The following USP28 variants were observed in gnomAD, a reference collection of about 807,000 sequenced individuals.
USP28 encodes the protein ubiquitin carboxyl-terminal hydrolase 28.
A neutral mutation model predicts 145.0 loss-of-function variants in USP28; 113 were observed. That is an observed-to-expected ratio of 0.78 (90% confidence interval 0.67 to 0.91). The LOEUF is 0.91. Among genes scored for constraint, USP28 ranks in the 40% least tolerant of loss-of-function variants. USP28 has a pLI of 0.00. For missense variants in USP28, 1,201 were observed against 1,289.6 expected (o/e 0.93, Z 1.05); for synonymous variants, 447 against 450.9 (o/e 0.99, Z 0.11).
At chr11:113,853,801 T>C (rs1024872061) in intron 2 of USP28, among the ~76,000 whole-genome samples, 7 of 147,066 alleles carry the variant, frequency 4.8e-5, no homozygotes, top group African/African-American at 1.8e-4. Context: ...ACAGCTTGAA[T>C]GCGGGAGGGA....
At chr11:113,813,218 T>G (rs1487661199) in intron 15 of USP28, among the ~76,000 whole-genome samples, 1 of 152,160 alleles carries the variant, frequency 6.6e-6, no homozygotes, top group Non-Finnish European at 1.5e-5. Context: ...AAGCCTGCGT[T>G]TTACATGGTG....
Position 113,869,544 on chromosome 11 carries a change from C to T in USP28, c.57+5901G>A, listed in dbSNP as rs1182617489. 3.3e-5 allele frequency among the ~76,000 whole-genome samples: 5 copies of T among 152,134 alleles called. No homozygotes were observed. The South Asian group carries it at 6.2e-4, about 19-fold the overall frequency. Reference sequence around the variant, plus strand: ...TGGTCAAGGCTGCAGTGAGCCTTGACGGTGTCACCACACTCCAGCTTGGGT... The same window carrying T: ...TGGTCAAGGCTGCAGTGAGCCTTGATGGTGTCACCACACTCCAGCTTGGGT... On this transcript the variant is annotated intron_variant, in intron 1 of 24. Transcript: ENST00000003302.
intron 1 of USP28, among the ~76,000 whole-genome samples, chr11:113,872,660 T>C (rs371249734): frequency 6.6e-6 from 1 of 152,034 alleles, no homozygotes; most frequent in Non-Finnish European, 1.5e-5. Context: ...AACTGGCAGG[T>C]TTTTATAAGG....
intron 21 of USP28, 64 bp downstream of exon 22, chr11:113,804,609 C>A (rs1369142682): frequency 1.4e-6 from 2 of 1,461,212 alleles, no homozygotes; most frequent in East Asian, 2.3e-5. Context: ...TTTATTTTGC[C>A]TCAGGTACCA....
At chr11:113,873,937 C>CCATGGTCA in intron 1 of USP28, among the ~76,000 whole-genome samples, 1 of 138,104 alleles carries the variant, frequency 7.2e-6, no homozygotes, top group South Asian at 2.4e-4. Flanking sequence ...GGTCAAGAGA[C>CCATGGTCA]CGAGACCATC....
chr11:113,826,718 G>A (rs1392780217), intron 11 of USP28, among the ~76,000 whole-genome samples: 3 of 151,844 alleles, frequency 2.0e-5, no homozygotes, highest in South Asian at 2.1e-4. Context: ...TCGGGAGTTC[G>A]CGACCAGCCT....
intron 9 of USP28, among the ~76,000 whole-genome samples, chr11:113,829,824 CAA>C (rs5794883): frequency 0.2 from 20,742 of 104,902 alleles, 1,517 homozygotes; most frequent in Middle Eastern, 0.23. Flanking sequence ...GGACTTGTCT[CAA>C]AAAAAAAAAA....
In USP28 at chr11:113,863,126, A is replaced by G. The variant is rs1013166466; in HGVS notation, c.58-8791T>C. Reference sequence around the variant, plus strand: ...AGTATTCACAAAATGACATGATCCTATATATACAAAATCCCAAAGATTCTG... The same window carrying G: ...AGTATTCACAAAATGACATGATCCTGTATATACAAAATCCCAAAGATTCTG... On this transcript the variant is annotated intron_variant, in intron 1 of 24. Coordinates refer to ENST00000003302, the Ensembl canonical transcript of USP28. 2.0e-5 allele frequency among the ~76,000 whole-genome samples: 3 copies of G among 152,332 alleles called. No homozygotes were observed. The South Asian group carries it at 6.2e-4, about 32-fold the overall frequency.
chr11:113,847,774 G>A (rs1946038984), intron 3 of USP28, among the ~76,000 whole-genome samples: 2 of 152,186 alleles, frequency 1.3e-5, no homozygotes, highest in Admixed American at 6.5e-5. Flanking sequence ...CAAAAGAACT[G>A]AAAATGGATA....
chr11:113,812,508 T>TC lies in USP28; in HGVS notation c.1744-5_1744-4insG. On this transcript the variant is annotated splice_region_variant and splice_polypyrimidine_tract_variant and intron_variant, in intron 15 of 24. Coordinates refer to ENST00000003302, the Ensembl canonical transcript of USP28. ...CTGCATGCAAGCGATAAGGCACCTG[T>TC]AAGTCAGAATGTACATTCCCCAGTC... The TC allele has an allele frequency of 6.2e-7, 1 of 1,611,552 alleles. No individual in the cohort carries two copies. Among genetic ancestry groups the TC allele is most frequent in the Non-Finnish European group, 8.5e-7 (1 of 1,179,466 alleles).
intron 12 of USP28, chr11:113,820,397 C>G (rs1360870879): frequency 6.6e-6 from 1 of 152,060 alleles, no homozygotes; most frequent in African/African-American, 2.4e-5. Flanking sequence ...GGAATGGGAC[C>G]ATATAATTTA....
rs1942019579 is a variant in USP28, at chr11:113,818,047, T to G, written c.1284-210A>C. On this transcript the variant is annotated intron_variant, in intron 12 of 24. Transcript: ENST00000003302. ...TGCCAACAATCTGAAGTTTTATATCTGGCAGGAAACATTTCAAATAGGCTC... is the reference window on the plus strand; with the variant it reads ...TGCCAACAATCTGAAGTTTTATATCGGGCAGGAAACATTTCAAATAGGCTC... 9 of 455,072 alleles carry G rather than the reference T, an allele frequency of 2.0e-5. No homozygotes were observed. In the Admixed American group the frequency reaches 3.1e-4, roughly 16 times the overall value. 28.2% of individuals were successfully genotyped at this position (455,072 alleles called of 1,614,324 possible).
exon 5 of USP28, chr11:113,840,611 C>T (rs1174010038): frequency 6.2e-7 from 1 of 1,613,956 alleles, no homozygotes; most frequent in Non-Finnish European, 8.5e-7. Context: ...AATAACAGCA[C>T]TAAACCAACA....
exon 25 of USP28, chr11:113,798,724 G>C (rs1938393860): frequency 1.3e-5 from 2 of 152,604 alleles, no homozygotes; most frequent in African/African-American, 4.8e-5. Flanking sequence ...CTACCCACAT[G>C]TAAAAGGGTG....
chr11:113,800,017 T>A (rs1938664782), intron 24 of USP28, among the ~76,000 whole-genome samples: 1 of 152,196 alleles, frequency 6.6e-6, no homozygotes, highest in Non-Finnish European at 1.5e-5. Context: ...TATCTTTTTT[T>A]TTTTTTGAGA....
At position 113,829,076 on chromosome 11, in the gene USP28, A is replaced by C; in HGVS notation, c.1059+121T>G. On this transcript the variant is annotated intron_variant, in intron 10 of 24. Transcript: ENST00000003302. Reference sequence around the variant, plus strand: ...ATCAACTGATGAGAGACTTAAGACAAATTCAAGTTCTGCTAAGTGTAAAGT... The same window carrying C: ...ATCAACTGATGAGAGACTTAAGACACATTCAAGTTCTGCTAAGTGTAAAGT... 3 of 1,351,342 alleles carry C rather than the reference A, an allele frequency of 2.2e-6. No homozygotes were observed. In the South Asian group the frequency reaches 3.9e-5, roughly 18 times the overall value. The allele number at this position is 1,351,342 out of a possible 1,614,324, so 83.7% of individuals were successfully genotyped here.
chr11:113,798,035 C>T (rs1555040527), exon 25 of USP28: 1 of 141,914 alleles, frequency 7.0e-6, no homozygotes, highest in Non-Finnish European at 1.5e-5. Context: ...TCTACATATA[C>T]ATATATATAT....
rs754742829 is a variant in USP28, at chr11:113,833,485, A to G, written c.694T>C (p.Phe232Leu). ...TCCAGGGCTGCAGACGGGTCTACAAATTTTCTATTTGATCCCATCATTAGA... is the reference window on the plus strand; with the variant it reads ...TCCAGGGCTGCAGACGGGTCTACAAGTTTTCTATTTGATCCCATCATTAGA... Residue 232 changes from phenylalanine to leucine, a missense_variant, in exon 7 of 25, where the codon TTT becomes CTT. Coordinates refer to ENST00000003302, the Ensembl canonical transcript of USP28. 4 of 1,614,142 alleles carry G rather than the reference A, an allele frequency of 2.5e-6. No individual in the cohort carries two copies. The South Asian group carries it at 4.4e-5, about 18-fold the overall frequency.
intron 17 of USP28, 139 bp downstream of exon 17, chr11:113,808,924 G>A (rs1297376773): frequency 2.3e-5 from 18 of 771,298 alleles, no homozygotes; most frequent in Non-Finnish European, 3.5e-5. Context: ...CCATCAGGTT[G>A]TACCTGGCAT....
Sources: allele counts gnomAD v4.1 joint callset (sites outside exome capture counted in the v4.1 genomes callset), GRCh38; gene constraint gnomAD v4.1.1; transcripts MANE v1.5; gene names NCBI Gene and HGNC (gene_info 2026-07-23, HGNC 2026-07-21).